NHEJ1: variants seen among roughly 807,000 people sequenced by gnomAD.
NHEJ1 encodes non-homologous end-joining factor 1.
A neutral mutation model predicts 39.4 loss-of-function variants in NHEJ1; 22 were observed. That is an observed-to-expected ratio of 0.56 (90% CI 0.40 to 0.80). The LOEUF is 0.80. NHEJ1 is among the 30% of genes least tolerant of loss of function. The pLI, the probability that NHEJ1 is intolerant of heterozygous loss-of-function variation, is 0.00. For missense variants in NHEJ1, 329 were observed against 357.1 expected, an observed-to-expected ratio of 0.92 and a Z score of 0.63; for synonymous variants, 154 against 135.6, an observed-to-expected ratio of 1.14 and a Z score of -0.94.
chr2:219,099,841 A>G (rs1949240215), intron 5 of NHEJ1, among the ~76,000 whole-genome samples: 1 of 152,194 alleles, frequency 6.6e-6, no homozygotes, highest in Non-Finnish European at 1.5e-5. Context: ...CTCGAGGAAG[A>G]GACTGAAGAT....
rs753044930 is a variant in NHEJ1 at position 219,076,436 on chromosome 2, T to C, written c.845A>G (p.Gln282Arg). The C allele has an allele frequency of 7.4e-6, 12 of 1,613,962 alleles. No individual in the cohort carries two copies. The highest frequency in any genetic ancestry group is 9.3e-6 in the Non-Finnish European group (11 of 1,180,022). The stretch of plus-strand genomic sequence containing the variant: ...CTTGACCTTTGACAGCTGAGGTCTC[T>C]GCAGAGGGCCTGAAGTACCCTAGAA... Reference protein sequence around the residue: ...KESTGTSGPLQRPQLSKVKRK... With the variant: ...KESTGTSGPLRRPQLSKVKRK... Residue 282 changes from glutamine (Q) to arginine (R), a missense_variant, in exon 8 of 8, where the codon CAG (glutamine) becomes CGG (arginine). Transcript: ENST00000356853.
chr2:219,108,016 G>A (rs1244087058), intron 5 of NHEJ1, among the ~76,000 whole-genome samples: 4 of 151,850 alleles, frequency 2.6e-5, no homozygotes, highest in Admixed American at 2.0e-4. Context: ...ACTGCGCCAT[G>A]ACTGCTATTT....
intron 5 of NHEJ1, among the ~76,000 whole-genome samples, chr2:219,131,033 A>G (rs774568501): frequency 1.8e-4 from 27 of 152,214 alleles, no homozygotes; most frequent in Admixed American, 4.6e-4. Flanking sequence ...TCAAGTCTGC[A>G]GTAAGCAATG....
At chr2:219,142,204 C>A (rs529969073) in intron 5 of NHEJ1, among the ~76,000 whole-genome samples, 1 of 133,222 alleles carries the variant, frequency 7.5e-6, no homozygotes, top group South Asian at 2.6e-4. Flanking sequence ...GTAAGAACGA[C>A]TGCAGGGAAG....
At chr2:219,091,370 A>C (rs1200924509) in intron 5 of NHEJ1, among the ~76,000 whole-genome samples, 2 of 152,052 alleles carry the variant, frequency 1.3e-5, no homozygotes, top group Non-Finnish European at 2.9e-5. Flanking sequence ...TTTCCTTATA[A>C]AGCTATTTCT....
At chr2:219,115,004 T>G (rs1302240246) in intron 5 of NHEJ1, among the ~76,000 whole-genome samples, 4 of 151,878 alleles carry the variant, frequency 2.6e-5, no homozygotes, top group Non-Finnish European at 4.4e-5. Context: ...CCTCTATAAT[T>G]AACAGAAACT....
chr2:219,117,387 A>G (rs2106342891), intron 5 of NHEJ1, among the ~76,000 whole-genome samples: 1 of 152,346 alleles, frequency 6.6e-6, no homozygotes, highest in East Asian at 1.9e-4. Flanking sequence ...GCCTCTAGGC[A>G]ACAGTGAGCT....
At chr2:219,091,691 C>T (rs1949161044) in intron 5 of NHEJ1, among the ~76,000 whole-genome samples, 1 of 152,174 alleles carries the variant, frequency 6.6e-6, no homozygotes, top group South Asian at 2.1e-4. Context: ...TATTCTGCTG[C>T]AAACTCTCTG....
At chr2:219,117,692 G>A (rs372732187) in intron 5 of NHEJ1, among the ~76,000 whole-genome samples, 1 of 152,274 alleles carries the variant, frequency 6.6e-6, no homozygotes, top group East Asian at 1.9e-4. Context: ...GTAGTGGAAA[G>A]AGCATAGGCT....
chr2:219,099,727 A>G (rs1380584212), intron 5 of NHEJ1, among the ~76,000 whole-genome samples: 2 of 152,166 alleles, frequency 1.3e-5, no homozygotes, highest in Non-Finnish European at 2.9e-5. Flanking sequence ...AGAAACAGCC[A>G]CCGTGTGAGA....
chr2:219,085,639 G>A (rs1416902769), intron 5 of NHEJ1, among the ~76,000 whole-genome samples: 1 of 151,896 alleles, frequency 6.6e-6, no homozygotes, highest in African/African-American at 2.4e-5. Flanking sequence ...TGGGCTATAA[G>A]GAAAAAGAAC....
intron 5 of NHEJ1, among the ~76,000 whole-genome samples, chr2:219,124,256 A>AGCCTAG (rs1306540465): frequency 6.6e-6 from 1 of 152,204 alleles, no homozygotes; most frequent in African/African-American, 2.4e-5. Context: ...AAAACTGTGG[A>AGCCTAG]GCCTAGGCCT....
At position 219,094,413 on chromosome 2, in the gene NHEJ1, G is replaced by A. The variant is rs1949188115; in HGVS notation, c.589-16207C>T. ...AGAAGGGGACTGGAAAAAGAGAGAA[G>A]TACGAATCTGCAGAGGAGTCAAGAT... On this transcript the variant is annotated intron_variant, in intron 5 of 7. Coordinates refer to ENST00000356853, the MANE Select transcript of NHEJ1 (RefSeq NM_024782.3). Among the ~76,000 whole-genome samples, 3 of 152,262 alleles carry A rather than the reference G, an allele frequency of 2.0e-5. No individual in the cohort carries two copies. In the South Asian group the frequency reaches 6.2e-4, roughly 32 times the overall value.
At chr2:219,129,867 ATT>A (rs1559197938) in intron 5 of NHEJ1, among the ~76,000 whole-genome samples, 1 of 151,868 alleles carries the variant, frequency 6.6e-6, no homozygotes, top group African/African-American at 2.4e-5. Context: ...GCAGGTCACA[ATT>A]TTTTTTATAG....
At chr2:219,085,076 G>C (rs996286193) in intron 5 of NHEJ1, among the ~76,000 whole-genome samples, 2 of 152,120 alleles carry the variant, frequency 1.3e-5, no homozygotes, top group African/African-American at 4.8e-5. Context: ...CACTCAATAA[G>C]GGCTATCTGG....
intron 3 of NHEJ1, among the ~76,000 whole-genome samples, chr2:219,155,643 C>A (rs936036163): frequency 3.3e-5 from 5 of 152,130 alleles, no homozygotes; most frequent in African/African-American, 1.2e-4. Context: ...AACATCAGGG[C>A]CGGGCGCAGT....
chr2:219,073,242 A>G lies in NHEJ1; in HGVS notation c.*3139T>C, dbSNP rs1290714603. Among the ~76,000 whole-genome samples the G allele has an allele frequency of 2.6e-5, 4 of 152,194 alleles. No homozygotes were observed. Among genetic ancestry groups the G allele is most frequent in the Non-Finnish European group, 2.9e-5 (2 of 68,030 alleles). ...CTCACTCTTCGCCACCTTACACCAT[A>G]GGAATTCGCTTCTCAGGAATCAGGG... On this transcript the variant is annotated 3_prime_UTR_variant, in exon 8 of 8. Coordinates refer to ENST00000356853, the MANE Select transcript of NHEJ1 (RefSeq NM_024782.3).
chr2:219,159,933 A>G (rs1265531812), intron 1 of NHEJ1, among the ~76,000 whole-genome samples: 3 of 152,060 alleles, frequency 2.0e-5, no homozygotes, highest in Non-Finnish European at 4.4e-5. Flanking sequence ...CTGTTGGGTA[A>G]AGGGGGAGGA....
rs1402744018 is a variant in NHEJ1, at chr2:219,076,149, A to G, written c.*232T>C. ...CATGGTAGAAACCTGAACCTACAGA[A>G]CCTCCACCAAAAGAGAGGAGAGCAC... On this transcript the variant is annotated 3_prime_UTR_variant, in exon 8 of 8. Transcript: ENST00000356853. 1 of 867,884 alleles carries G rather than the reference A, an allele frequency of 1.2e-6. No individual in the cohort carries two copies. The allele number at this position is 867,884 out of a possible 1,614,324, so 53.8% of individuals were successfully genotyped here. A position where few individuals can be genotyped will look rare whatever the true frequency, so the allele number is the denominator to read the frequency against.
Sources: gnomAD v4.1 joint callset for allele counts (sites outside exome capture counted in the v4.1 genomes callset) on GRCh38, gnomAD v4.1.1 for gene constraint, MANE v1.5 for transcripts, NCBI Gene and HGNC (gene_info 2026-07-23, HGNC 2026-07-21) for gene names.